Variants in SUMF1 observed in about 807,000 individuals in gnomAD.
SUMF1 encodes sulfatase modifying factor 1.
SUMF1 carries 48 observed loss-of-function variants against 47.6 expected under a neutral mutation model. That is an observed-to-expected ratio of 1.01 (90% CI 0.80 to 1.28). SUMF1 has a LOEUF of 1.28. SUMF1 is among the 50% of genes most tolerant of loss of function. The pLI, the probability that SUMF1 is intolerant of heterozygous loss-of-function variation, is 0.00. For missense variants in SUMF1, 571 were observed against 485.4 expected, an observed-to-expected ratio of 1.18 and a Z score of -1.66; for synonymous variants, 230 against 192.1, an observed-to-expected ratio of 1.20 and a Z score of -1.63.
At chr3:4,143,991 T>TC (rs960024569) in intron 8 of SUMF1, among the ~76,000 whole-genome samples, 2 of 133,408 alleles carry the variant, frequency 1.5e-5, no homozygotes, top group Non-Finnish European at 3.0e-5. Context: ...TCTCTCTCTT[T>TC]TTTTTTTTTT....
At chr3:4,060,091 G>A (rs558370810) in intron 9 of SUMF1, among the ~76,000 whole-genome samples, 3 of 152,192 alleles carry the variant, frequency 2.0e-5, no homozygotes, top group African/African-American at 7.2e-5. Context: ...ATTTGAAGCA[G>A]AGGCTGATAA....
chr3:4,404,532 T>G (rs994199737), intron 7 of SUMF1, among the ~76,000 whole-genome samples: 1 of 152,012 alleles, frequency 6.6e-6, no homozygotes, highest in Non-Finnish European at 1.5e-5. Context: ...CTGAGGCGGG[T>G]GAATCACCTG....
At chr3:4,115,430 G>C (rs919421706) in intron 8 of SUMF1, among the ~76,000 whole-genome samples, 3 of 152,106 alleles carry the variant, frequency 2.0e-5, no homozygotes, top group African/African-American at 7.2e-5. Flanking sequence ...TAATTGAGCT[G>C]ATTAACACAA....
chr3:4,445,246 T>C lies in SUMF1; in HGVS notation c.519+4020A>G, dbSNP rs145370143. On this transcript the variant is annotated intron_variant, in intron 3 of 8. Transcript: ENST00000272902. ...TAAAACCTATGGTATGTAAATTACA[T>C]CTCAATAAAGCTGTTGGAAAAAAAG... Among the ~76,000 whole-genome samples, 372 of 152,252 alleles carry C rather than the reference T, an allele frequency of 2.4e-3. 1 individual carries two copies. The highest frequency in any genetic ancestry group is 8.7e-3 in the African/African-American group (361 of 41,548).
chr3:4,055,214 G>T (rs1695170468), intron 9 of SUMF1, among the ~76,000 whole-genome samples: 1 of 152,070 alleles, frequency 6.6e-6, no homozygotes, highest in African/African-American at 2.4e-5. Context: ...TAAATACAAT[G>T]AAACGGAAAA....
chr3:4,094,498 GA>G (rs1440683853), intron 8 of SUMF1, among the ~76,000 whole-genome samples: 1 of 152,062 alleles, frequency 6.6e-6, no homozygotes. Flanking sequence ...AGTCATGATG[GA>G]GAGGTCAGGA....
At chr3:4,384,804 T>C (rs544834245) in intron 7 of SUMF1, among the ~76,000 whole-genome samples, 1 of 152,344 alleles carries the variant, frequency 6.6e-6, no homozygotes, top group South Asian at 2.1e-4. Flanking sequence ...GGTTTTTGTA[T>C]GAACATAAGT....
chr3:4,380,371 T>C (rs1197247768), intron 7 of SUMF1, among the ~76,000 whole-genome samples: 3 of 152,138 alleles, frequency 2.0e-5, no homozygotes, highest in African/African-American at 7.2e-5. Flanking sequence ...AGCTAAACAT[T>C]GGATATACAT....
At chr3:4,141,213 A>C (rs575546261) in intron 8 of SUMF1, among the ~76,000 whole-genome samples, 1 of 152,282 alleles carries the variant, frequency 6.6e-6, no homozygotes, top group South Asian at 2.1e-4. Flanking sequence ...CAGCAGTGAG[A>C]GTACTGTGTT....
intron 8 of SUMF1, among the ~76,000 whole-genome samples, chr3:4,150,926 G>A (rs1024724764): frequency 2.0e-5 from 3 of 151,320 alleles, no homozygotes; most frequent in South Asian, 2.1e-4. Flanking sequence ...GCCCCAAAAC[G>A]GCCAGCAAAC....
intron 8 of SUMF1, among the ~76,000 whole-genome samples, chr3:4,205,612 T>C (rs1230189370): frequency 2.0e-5 from 3 of 152,204 alleles, no homozygotes; most frequent in Non-Finnish European, 4.4e-5. Flanking sequence ...ATTTAAGTCT[T>C]TGATGACTGC....
intron 8 of SUMF1, among the ~76,000 whole-genome samples, chr3:4,163,861 C>G (rs1317354473): frequency 6.6e-6 from 1 of 152,274 alleles, no homozygotes; most frequent in African/African-American, 2.4e-5. Context: ...CTATGAATTA[C>G]CTTGGAAAGG....
At chr3:4,066,769 T>C (rs1031130064) in intron 9 of SUMF1, among the ~76,000 whole-genome samples, 1 of 152,182 alleles carries the variant, frequency 6.6e-6, no homozygotes, top group Non-Finnish European at 1.5e-5. Context: ...AAACTCATTG[T>C]TTCAGTGATT....
intron 3 of SUMF1, among the ~76,000 whole-genome samples, chr3:4,421,246 G>T (rs1032207580): frequency 2.6e-5 from 4 of 152,088 alleles, no homozygotes; most frequent in Non-Finnish European, 5.9e-5. Context: ...CTTTCCCCAA[G>T]CCTGTTTTCT....
intron 7 of SUMF1, among the ~76,000 whole-genome samples, chr3:4,394,074 T>G (rs539633010): frequency 6.6e-6 from 1 of 152,178 alleles, no homozygotes; most frequent in South Asian, 2.1e-4. Flanking sequence ...GAATTATTTT[T>G]AGGTTTTTTT....
intron 8 of SUMF1, among the ~76,000 whole-genome samples, chr3:4,087,155 A>C (rs944155575): frequency 1.3e-5 from 2 of 152,176 alleles, no homozygotes; most frequent in Non-Finnish European, 2.9e-5. Flanking sequence ...TGATAAAGGT[A>C]CTGGAAAGCC....
chr3:4,153,657 T>C (rs997449355), intron 8 of SUMF1, among the ~76,000 whole-genome samples: 3 of 151,406 alleles, frequency 2.0e-5, no homozygotes, highest in Admixed American at 2.0e-4. Context: ...ACTTTTTGCC[T>C]ATGGATTTCA....
chr3:4,064,256 C>A (rs534821887), intron 9 of SUMF1, among the ~76,000 whole-genome samples: 2 of 110,516 alleles, frequency 1.8e-5, no homozygotes, highest in East Asian at 7.0e-4. Flanking sequence ...ACCAAGATGG[C>A]AATGAAGTGA....
chr3:4,135,919 G>T (rs1036916892), intron 8 of SUMF1, among the ~76,000 whole-genome samples: 4 of 152,082 alleles, frequency 2.6e-5, no homozygotes, highest in Non-Finnish European at 5.9e-5. Flanking sequence ...AACTTACATG[G>T]GATGTGAAGG....
Sources: allele counts gnomAD v4.1 joint callset (sites outside exome capture counted in the v4.1 genomes callset), GRCh38; gene constraint gnomAD v4.1.1; transcripts MANE v1.5; gene names NCBI Gene and HGNC (gene_info 2026-07-23, HGNC 2026-07-21).